The following SEMA3D variants were observed in gnomAD, a reference collection of about 807,000 sequenced individuals.
SEMA3D encodes the protein semaphorin-3D.
SEMA3D carries 84 observed loss-of-function variants against 100.1 expected under a neutral mutation model. The ratio of observed to expected loss-of-function variants is 0.84; its 90% CI spans 0.70 to 1.01. The LOEUF is 1.01. SEMA3D is among the 50% of genes least tolerant of loss of function. The pLI, the probability that SEMA3D is intolerant of heterozygous loss-of-function variation, is 0.00. For missense variants in SEMA3D, 875 were observed against 934.1 expected, an observed-to-expected ratio of 0.94 and a Z score of 0.82; for synonymous variants, 312 against 320.7, an observed-to-expected ratio of 0.97 and a Z score of 0.29.
chr7:85,178,947 A>G (rs1308170242), intron 1 of SEMA3D, among the ~76,000 whole-genome samples: 3 of 152,284 alleles, frequency 2.0e-5, no homozygotes, highest in African/African-American at 4.8e-5. Context: ...AGCTCAGGCC[A>G]TTGCTTAAGA....
rs781719118 is a variant in SEMA3D at position 85,081,584 on chromosome 7, A to C, written c.313-5T>G. 6.2e-7 allele frequency: 1 copy of C among 1,604,630 alleles called. No homozygotes were observed. Among genetic ancestry groups the C allele is most frequent in the Non-Finnish European group, 8.5e-7 (1 of 1,171,810 alleles). ...CTTTGCAGCAGGCCAATAAATCTGC[A>C]AAACATTTCAAAGTATGTTACAACC... On this transcript the variant is annotated splice_polypyrimidine_tract_variant and splice_region_variant and intron_variant, in intron 4 of 18. Coordinates refer to ENST00000284136, the MANE Select transcript of SEMA3D (RefSeq NM_001384900.1).
At chr7:85,106,916 C>T (rs1788943991) in intron 3 of SEMA3D, among the ~76,000 whole-genome samples, 1 of 151,978 alleles carries the variant, frequency 6.6e-6, no homozygotes, top group Non-Finnish European at 1.5e-5. Flanking sequence ...CAATTACCTC[C>T]CACCAGATCC....
At chr7:85,049,714 AAC>A (rs529000115) in intron 9 of SEMA3D, among the ~76,000 whole-genome samples, 1 of 151,870 alleles carries the variant, frequency 6.6e-6, no homozygotes, top group Non-Finnish European at 1.5e-5. Context: ...TCGGCCTAAA[AAC>A]ACAAATCTTC....
the SEMA3D span, among the ~76,000 whole-genome samples, chr7:85,249,153 T>C: frequency 2.6e-5 from 4 of 152,150 alleles, no homozygotes; most frequent in Non-Finnish European, 4.4e-5. Context: ...TATAGTCTTT[T>C]TAAGTGTTCT....
In SEMA3D at chr7:85,147,944, C is replaced by T. The variant is rs1366883375; in HGVS notation, c.-41+5664G>A. ...ACCCTGTCCCTAACATGCCAGCCCA[C>T]TCCACACTAGCTTTGGGTTTTATTC... On this transcript the variant is annotated intron_variant, in intron 2 of 18. Transcript: ENST00000284136. Among the ~76,000 whole-genome samples, 9 of 152,154 alleles carry T rather than the reference C, an allele frequency of 5.9e-5. No individual in the cohort carries two copies. In the East Asian group the frequency reaches 1.7e-3, roughly 29 times the overall value.
chr7:85,235,951 T>C, the SEMA3D span, among the ~76,000 whole-genome samples: 1 of 152,210 alleles, frequency 6.6e-6, no homozygotes, highest in African/African-American at 2.4e-5. Flanking sequence ...AATTTCTCTT[T>C]ATTAAAAATT....
chr7:85,214,018 T>C, the SEMA3D span, among the ~76,000 whole-genome samples: 6 of 152,166 alleles, frequency 3.9e-5, no homozygotes, highest in Admixed American at 1.3e-4. Context: ...TCTGTGGTTA[T>C]GGTAATATAA....
intron 5 of SEMA3D, among the ~76,000 whole-genome samples, chr7:85,073,809 A>C (rs1475467433): frequency 6.6e-6 from 1 of 152,114 alleles, no homozygotes; most frequent in Non-Finnish European, 1.5e-5. Flanking sequence ...TAATTTCCAT[A>C]ATCTCTGTTT....
chr7:85,151,248 G>C (rs1006582677), intron 2 of SEMA3D, among the ~76,000 whole-genome samples: 3 of 151,786 alleles, frequency 2.0e-5, no homozygotes, highest in African/African-American at 7.3e-5. Flanking sequence ...CCAAGAAAAT[G>C]GTCCATTTTC....
Position 85,015,098 on chromosome 7 carries a change from T to C in SEMA3D, c.1664A>G (p.Asp555Gly). The part of the protein sequence containing the change: ...CLARDPYCAW[D>G]GNACSRYAPT... The stretch of plus-strand genomic sequence containing the variant: ...AGCATATCGAGAGCATGCATTTCCA[T>C]CCCAGGCACAGTAGGGGTCTCTGGC... The change falls in exon 16 of 19, where the codon GAT becomes GGT. Residue 555 changes from aspartate to glycine, a missense_variant. Coordinates refer to ENST00000284136, the MANE Select transcript of SEMA3D (RefSeq NM_001384900.1). 6.2e-7 allele frequency: 1 copy of C among 1,611,688 alleles called. No homozygotes were observed. Among genetic ancestry groups the C allele is most frequent in the Non-Finnish European group, 8.5e-7 (1 of 1,178,472 alleles).
Position 85,022,413 on chromosome 7 carries a change from G to C in SEMA3D, c.1392C>G (p.Tyr464Ter). 4.3e-6 allele frequency: 7 copies of C among 1,611,070 alleles called. No individual in the cohort carries two copies. Among genetic ancestry groups the C allele is most frequent in the Non-Finnish European group, 5.1e-6 (6 of 1,177,828 alleles). ...TACCTGTTCCAAGAAACATTACATC[G>C]TACTGGCCATCTTCTGCAATGACAT... Reference protein sequence around the residue: ...VDHVIAEDGQYDVMFLGTDIG... With the variant: ...VDHVIAEDGQ Residue 464 changes from tyrosine to a stop codon, truncating the protein, a stop_gained, in exon 13 of 19, where the codon TAC becomes TAG. Transcript: ENST00000284136. LOFTEE classifies it high-confidence loss of function.
At chr7:85,060,547 G>C (rs1441683951) in intron 8 of SEMA3D, among the ~76,000 whole-genome samples, 1 of 152,054 alleles carries the variant, frequency 6.6e-6, no homozygotes, top group Non-Finnish European at 1.5e-5. Context: ...ACATGCCCCA[G>C]TAGGAATGCA....
rs1373029484 is a variant in SEMA3D, at chr7:85,066,925, G to C, written c.589+1266C>G. ...ACACACACACACACAGAGAGAGAGA[G>C]AGAGAGAGAGAGAGAGAGAGAACTC... On this transcript the variant is annotated intron_variant, in intron 7 of 18. Transcript: ENST00000284136. 6.9e-3 allele frequency among the ~76,000 whole-genome samples: 948 copies of C among 136,926 alleles called. 9 individuals carry two copies. The highest frequency in any genetic ancestry group is 0.031 in the African/African-American group (884 of 28,394). The allele number at this position is 136,926 out of a possible 152,430, so 89.8% of individuals were successfully genotyped here.
the SEMA3D span, among the ~76,000 whole-genome samples, chr7:85,235,128 A>C: frequency 1.3e-5 from 2 of 152,178 alleles, no homozygotes; most frequent in African/African-American, 4.8e-5. Flanking sequence ...AGAGAATAAT[A>C]GTGTTGGTGT....
upstream of SEMA3D, among the ~76,000 whole-genome samples, chr7:85,189,344 A>G (rs1562850388): frequency 6.6e-6 from 1 of 152,218 alleles, no homozygotes; most frequent in Admixed American, 6.5e-5. Context: ...ATAACTGTAT[A>G]GGGTCCCACC....
At chr7:85,174,373 G>A (rs556258239) in intron 1 of SEMA3D, among the ~76,000 whole-genome samples, 1 of 152,098 alleles carries the variant, frequency 6.6e-6, no homozygotes, top group Non-Finnish European at 1.5e-5. Flanking sequence ...GGGAGCTGGA[G>A]TTAGGAGGGC....
chr7:85,046,204 C>G (rs17159580), intron 9 of SEMA3D, among the ~76,000 whole-genome samples: 2 of 151,802 alleles, frequency 1.3e-5, no homozygotes, highest in African/African-American at 2.4e-5. Context: ...AATGAGCAAT[C>G]GTATCCTCTT....
chr7:85,226,212 G>GT, the SEMA3D span, among the ~76,000 whole-genome samples: 1 of 151,656 alleles, frequency 6.6e-6, no homozygotes, highest in Admixed American at 6.6e-5. Flanking sequence ...ATGACACTTC[G>GT]TTAAAAAAAA....
At position 85,015,152 on chromosome 7, in the gene SEMA3D, T is replaced by C; in HGVS notation, c.1610A>G (p.Tyr537Cys). The C allele has an allele frequency of 6.2e-7, 1 of 1,611,826 alleles. No individual in the cohort carries two copies. The highest frequency in any genetic ancestry group is 1.3e-5 in the African/African-American group (1 of 74,864). ...VQLSLHRCDTYGKACADCCLA... is the reference protein window; with the variant it reads ...VQLSLHRCDTCGKACADCCLA... ...ACAACAGTCTGCGCAAGCTTTCCCA[T>C]AAGTGTCGCATCTGTGCAAGGAGAG... Residue 537 changes from tyrosine to cysteine, a missense_variant, in exon 16 of 19, where the codon TAT becomes TGT. By Grantham distance (194) the Tyr-to-Cys change is radical (BLOSUM62 -2). Transcript: ENST00000284136.
Sources: allele counts gnomAD v4.1 joint callset (sites outside exome capture counted in the v4.1 genomes callset), GRCh38; gene constraint gnomAD v4.1.1; transcripts MANE v1.5; gene names NCBI Gene and HGNC (gene_info 2026-07-23, HGNC 2026-07-21).